PCOLCE: variants seen among roughly 807,000 people sequenced by gnomAD.
PCOLCE encodes the protein procollagen C-endopeptidase enhancer 1.
Under a neutral mutation model 47.2 loss-of-function variants are expected in PCOLCE, and 33 were observed. That is an observed-to-expected ratio of 0.70 (90% confidence interval 0.53 to 0.93). The LOEUF is 0.93. Among genes scored for constraint, PCOLCE ranks in the 40% least tolerant of loss-of-function variants. The pLI, the probability that PCOLCE is intolerant of heterozygous loss-of-function variation, is 0.00. For missense variants in PCOLCE, 584 were observed against 585.3 expected (o/e 1.00, Z 0.02); for synonymous variants, 254 against 252.5 (o/e 1.01, Z -0.06).
In PCOLCE at chr7:100,606,460, C is replaced by A; in HGVS notation, c.770C>A (p.Ser257Ter). Residue 257 changes from serine to a stop codon, truncating the protein, a stop_gained, in exon 6 of 9, where the codon TCA becomes TAA. Coordinates refer to ENST00000223061, the MANE Select transcript of PCOLCE (RefSeq NM_002593.4). LOFTEE classifies it high-confidence loss of function. ...EGNELLVQFV[S>*]DLSVTADGFS... ...AATGAACTCCTCGTCCAGTTCGTCT[C>A]AGATCTCAGTGTCACCGCTGATGGC... 1 of 1,614,082 alleles carries A rather than the reference C, an allele frequency of 6.2e-7. No individual in the cohort carries two copies. The highest frequency in any genetic ancestry group is 8.5e-7 in the Non-Finnish European group (1 of 1,179,928).
At position 100,604,355 on chromosome 7, in the gene PCOLCE, C is replaced by T. The variant is rs2131287992; in HGVS notation, c.463+138C>T. 1 of 693,740 alleles carries T rather than the reference C, an allele frequency of 1.4e-6. No homozygotes were observed. The allele number at this position is 693,740 out of a possible 1,614,324, so 43.0% of individuals were successfully genotyped here. A position where few individuals can be genotyped will look rare whatever the true frequency, so the allele number is the denominator to read the frequency against. On this transcript the variant is annotated intron_variant, in intron 3 of 8. Coordinates refer to ENST00000223061, the MANE Select transcript of PCOLCE (RefSeq NM_002593.4). The surrounding 1 kb of genome is among the most constrained non-coding windows in gnomAD (Gnocchi z 6.4). ...CCCTACCTCCCTGACCCATTTTCCTCACTAACCGCCCCTTCAGTCCCTCCT... is the reference window on the plus strand; with the variant it reads ...CCCTACCTCCCTGACCCATTTTCCTTACTAACCGCCCCTTCAGTCCCTCCT...
Position 100,607,980 on chromosome 7 carries a change from C to T in PCOLCE, c.1227C>T (p.Gly409=), listed in dbSNP as rs1002762712. The change falls in exon 9 of 9, where the codon GGC becomes GGT. Residue 409 remains glycine, a synonymous_variant. Coordinates refer to ENST00000223061, the MANE Select transcript of PCOLCE (RefSeq NM_002593.4). ...LLMGQVEENR[G]PVLPPESFVV... is the part of the protein sequence containing the mutation. ...TGGGCCAGGTAGAAGAGAACAGAGG[C>T]CCCGTCCTTCCTCCAGAGAGCTTTG... 11 of 1,614,126 alleles carry T rather than the reference C, an allele frequency of 6.8e-6. No homozygotes were observed. In the Admixed American group the frequency reaches 1.7e-4, roughly 24 times the overall value.
At position 100,607,536 on chromosome 7, in the gene PCOLCE, C is replaced by G; in HGVS notation, c.1012+13C>G. On this transcript the variant is annotated intron_variant, in intron 7 of 8. Coordinates refer to ENST00000223061, the MANE Select transcript of PCOLCE (RefSeq NM_002593.4). ...GCCAGCAGCCTTGGTAAGAATACCC[C>G]CAACCCCATTCCAGCTCCTCGAACC... 6.2e-7 allele frequency: 1 copy of G among 1,613,660 alleles called. No homozygotes were observed.
Position 100,606,613 on chromosome 7 carries a change from A to C in PCOLCE, c.923A>C (p.Glu308Ala), listed in dbSNP as rs750404773. The C allele has an allele frequency of 1.2e-6, 2 of 1,610,344 alleles. No homozygotes were observed. Among genetic ancestry groups the C allele is most frequent in the South Asian group, 1.1e-5 (1 of 90,874 alleles). The change falls in exon 6 of 9, where the codon GAA becomes GCA. Residue 308 changes from glutamate to alanine, a missense_variant. Glu to Ala is a moderately radical substitution (Grantham distance 107). Coordinates refer to ENST00000223061, the MANE Select transcript of PCOLCE (RefSeq NM_002593.4). ...TCCCAACCTCCGGAGAAAACAGAGG[A>C]ATCTCCTTCAGCCCCTGGTGAGTCT... is the stretch of plus-strand genomic sequence containing the variant. ...PKSQPPEKTE[E>A]SPSAPDAPTC...
At position 100,605,692 on chromosome 7, in the gene PCOLCE, T is replaced by A; in HGVS notation, c.605T>A (p.Phe202Tyr). The change falls in exon 5 of 9, where the codon TTC (phenylalanine) becomes TAC (tyrosine). Residue 202 changes from phenylalanine (F) to tyrosine (Y), a missense_variant. Transcript: ENST00000223061. The surrounding 1 kb of genome is among the most constrained non-coding windows in gnomAD (Gnocchi z 6.1). ...CGCCGCCAGGTCATCGCGCTGACCTTCGAGAAGTTTGACCTGGAGCCGGAC... is the reference window on the plus strand; with the variant it reads ...CGCCGCCAGGTCATCGCGCTGACCTACGAGAAGTTTGACCTGGAGCCGGAC... ...APPDQVIALTFEKFDLEPDTY... is the reference protein window; with the variant it reads ...APPDQVIALTYEKFDLEPDTY... The A allele has an allele frequency of 6.3e-7, 1 of 1,583,356 alleles. No individual in the cohort carries two copies. The highest frequency in any genetic ancestry group is 8.6e-7 in the Non-Finnish European group (1 of 1,165,100).
chr7:100,603,600 C>G, intron 2 of PCOLCE, 62 bp downstream of exon 2: 1 of 738,664 alleles, frequency 1.4e-6, no homozygotes, highest in Non-Finnish European at 2.3e-6. Context: ...GGCCTGACTG[C>G]GAAGGGACCC....
In PCOLCE at chr7:100,604,123, C is replaced by T. The variant is rs1802665723; in HGVS notation, c.369C>T (p.Pro123=). 6.2e-7 allele frequency: 1 copy of T among 1,612,340 alleles called. No individual in the cohort carries two copies. The highest frequency in any genetic ancestry group is 1.1e-5 in the South Asian group (1 of 91,084). Residue 123 remains proline (P), a synonymous_variant, in exon 3 of 9, where the codon CCC becomes CCT. Coordinates refer to ENST00000223061, the MANE Select transcript of PCOLCE (RefSeq NM_002593.4). This position sits in a 1 kb window ranked among gnomAD's most constrained non-coding sequence, Gnocchi z 6.4. Reference sequence around the variant, plus strand: ...TCCGGCCTGCGCCCCTAGTCGCCCCCGGCAACCAGGTGACCCTGAGGATGA... The same window carrying T: ...TCCGGCCTGCGCCCCTAGTCGCCCCTGGCAACCAGGTGACCCTGAGGATGA... The part of the protein sequence containing the change: ...GTFRPAPLVA[P]GNQVTLRMTT...
At position 100,603,210 on chromosome 7, in the gene PCOLCE, C is replaced by T. The variant is rs577752127; in HGVS notation, c.96-220C>T. ...GGACTCTTGGGGTTGGAGGGATGGT[C>T]GAGTTGCCAGGCCCACTTTTCCCTT... On this transcript the variant is annotated intron_variant, in intron 1 of 8. Coordinates refer to ENST00000223061, the MANE Select transcript of PCOLCE (RefSeq NM_002593.4). 52 of 441,638 alleles carry T rather than the reference C, an allele frequency of 1.2e-4. 1 individual carries two copies. In the South Asian group the frequency reaches 2.3e-3, roughly 19 times the overall value. 27.4% of individuals were successfully genotyped at this position (441,638 alleles called of 1,614,324 possible).
Position 100,604,484 on chromosome 7 carries a change from G to A in PCOLCE, c.463+267G>A. ...CACCGACCCGCGGGTGGAATGGGCG[G>A]CCTGGGGTTACTGGGACGGTGAGTA... On this transcript the variant is annotated intron_variant, in intron 3 of 8. Coordinates refer to ENST00000223061, the MANE Select transcript of PCOLCE (RefSeq NM_002593.4). The surrounding 1 kb of genome is among the most constrained non-coding windows in gnomAD (Gnocchi z 6.4). 1.7e-6 allele frequency: 1 copy of A among 578,848 alleles called. No individual in the cohort carries two copies. Among genetic ancestry groups the A allele is most frequent in the Non-Finnish European group, 3.1e-6 (1 of 323,806 alleles). 35.9% of individuals were successfully genotyped at this position (578,848 alleles called of 1,614,324 possible). A position where few individuals can be genotyped will look rare whatever the true frequency, so the allele number is the denominator to read the frequency against.
chr7:100,605,770 ACTCCCGGAGG>A lies in PCOLCE; in HGVS notation c.686_695del (p.Ser229TrpfsTer108). 6.4e-7 allele frequency: 1 copy of A among 1,556,298 alleles called. No individual in the cohort carries two copies. The highest frequency in any genetic ancestry group is 8.7e-7 in the Non-Finnish European group (1 of 1,149,996). ...GTGTTCAACGGAGCCGTGAGCGACG[ACTCCCGGAGG>A]CTGGGGAAGTTCTGCGGCGACGCAG... is the stretch of plus-strand genomic sequence containing the variant. On this transcript the variant is annotated frameshift_variant, in exon 5 of 9. Transcript: ENST00000223061. LOFTEE classifies it high-confidence loss of function. This position sits in a 1 kb window ranked among gnomAD's most constrained non-coding sequence, Gnocchi z 6.1.
In PCOLCE at chr7:100,605,759, C is replaced by G; in HGVS notation, c.672C>G (p.Ala224=). The stretch of plus-strand genomic sequence containing the variant: ...ACTCGGTCAGCGTGTTCAACGGAGC[C>G]GTGAGCGACGACTCCCGGAGGCTGG... ...RYDSVSVFNG[A]VSDDSRRLGK... is the part of the protein sequence containing the mutation. Residue 224 remains alanine (A), a synonymous_variant, in exon 5 of 9, where the codon GCC becomes GCG. Coordinates refer to ENST00000223061, the MANE Select transcript of PCOLCE (RefSeq NM_002593.4). This position sits in a 1 kb window ranked among gnomAD's most constrained non-coding sequence, Gnocchi z 6.1. The G allele has an allele frequency of 6.4e-7, 1 of 1,559,924 alleles. No individual in the cohort carries two copies.
chr7:100,603,684 T>A, intron 2 of PCOLCE, 146 bp downstream of exon 2: 1 of 533,616 alleles, frequency 1.9e-6, no homozygotes, highest in African/African-American at 2.2e-5. Context: ...ACTGAAGGCA[T>A]CATTCCCACC....
At position 100,605,060 on chromosome 7, in the gene PCOLCE, C is replaced by G; in HGVS notation, c.464-31C>G. The G allele has an allele frequency of 6.4e-7, 1 of 1,561,016 alleles. No homozygotes were observed. The highest frequency in any genetic ancestry group is 1.1e-5 in the South Asian group (1 of 88,898). On this transcript the variant is annotated intron_variant, in intron 3 of 8. Coordinates refer to ENST00000223061, the MANE Select transcript of PCOLCE (RefSeq NM_002593.4). This position sits in a 1 kb window ranked among gnomAD's most constrained non-coding sequence, Gnocchi z 6.1. ...AAGCTGACCGAGGGTCTCCACCGCCCCCCACCCCCGCTCCTCTCTCCCCTC... is the reference window on the plus strand; with the variant it reads ...AAGCTGACCGAGGGTCTCCACCGCCGCCCACCCCCGCTCCTCTCTCCCCTC...
At position 100,604,157 on chromosome 7, in the gene PCOLCE, G is replaced by A; in HGVS notation, c.403G>A (p.Glu135Lys). 5 of 1,613,278 alleles carry A rather than the reference G, an allele frequency of 3.1e-6. No individual in the cohort carries two copies. Among genetic ancestry groups the A allele is most frequent in the Non-Finnish European group, 4.2e-6 (5 of 1,179,964 alleles). Residue 135 changes from glutamate to lysine, a missense_variant, in exon 3 of 9, where the codon GAG (glutamate) becomes AAG (lysine). Coordinates refer to ENST00000223061, the MANE Select transcript of PCOLCE (RefSeq NM_002593.4). This position sits in a 1 kb window ranked among gnomAD's most constrained non-coding sequence, Gnocchi z 6.4. ...GGTGACCCTGAGGATGACGACGGAT[G>A]AGGGCACAGGAGGACGAGGCTTCCT... ...NQVTLRMTTDEGTGGRGFLLW... is the reference protein window; with the variant it reads ...NQVTLRMTTDKGTGGRGFLLW...
intron 6 of PCOLCE, 42 bp from the exon 7 acceptor site, chr7:100,607,410 C>CT: frequency 6.6e-7 from 1 of 1,506,274 alleles, no homozygotes; most frequent in Non-Finnish European, 9.2e-7. Context: ...GTGCTCCCTC[C>CT]TACCTGCTGA....
At position 100,603,424 on chromosome 7, in the gene PCOLCE, C is replaced by T. The variant is rs777249733; in HGVS notation, c.96-6C>T. On this transcript the variant is annotated splice_region_variant and splice_polypyrimidine_tract_variant and intron_variant, in intron 1 of 8. Transcript: ENST00000223061. ...GCTCTTTCCTGACCCCTTTTCTGTT[C>T]TCCAGACCCGTGTTCCTGTGCGGAG... 6.7e-6 allele frequency: 10 copies of T among 1,499,416 alleles called. No individual in the cohort carries two copies. The highest frequency in any genetic ancestry group is 9.1e-6 in the Non-Finnish European group (10 of 1,093,408). 92.9% of individuals were successfully genotyped at this position (1,499,416 alleles called of 1,614,324 possible). A position where few individuals can be genotyped will look rare whatever the true frequency, so the allele number is the denominator to read the frequency against.
Position 100,608,108 on chromosome 7 carries a change from C to G in PCOLCE, c.*5C>G. ...GCTGCTGCGTCCCAGGACTGAGACG[C>G]AGGCCAGCCCCGGCCCCTAGCCCTC... On this transcript the variant is annotated 3_prime_UTR_variant, in exon 9 of 9. Transcript: ENST00000223061. 6.2e-7 allele frequency: 1 copy of G among 1,612,790 alleles called. No individual in the cohort carries two copies. Among genetic ancestry groups the G allele is most frequent in the Non-Finnish European group, 8.5e-7 (1 of 1,179,464 alleles).
In PCOLCE at chr7:100,607,950, G is replaced by A. The variant is rs1489585875; in HGVS notation, c.1197G>A (p.Leu399=). ...TCCTTCTTCCAGGAGTCAGTTATCT[G>A]CTGATGGGCCAGGTAGAAGAGAACA... ...CPPMKKGVSY[L]LMGQVEENRG... Residue 399 remains leucine, a synonymous_variant, in exon 9 of 9, where the codon CTG becomes CTA. Transcript: ENST00000223061. 1 of 1,614,136 alleles carries A rather than the reference G, an allele frequency of 6.2e-7. No homozygotes were observed. Among genetic ancestry groups the A allele is most frequent in the African/African-American group, 1.3e-5 (1 of 75,032 alleles).
At chr7:100,603,382 C>G (rs1384260190) in intron 1 of PCOLCE, 48 bp from the exon 2 acceptor site, 1 of 930,150 alleles carries the variant, frequency 1.1e-6, no homozygotes, top group Non-Finnish European at 1.7e-6. Flanking sequence ...CAGTGCTCCC[C>G]CGTCCCACCC....
Sources: gnomAD v4.1 joint callset for allele counts on GRCh38, gnomAD v4.1.1 for gene constraint, Gnocchi (gnomAD v3.1) non-coding constraint, MANE v1.5 for transcripts, NCBI Gene and HGNC (gene_info 2026-07-23, HGNC 2026-07-21) for gene names.